SRP72: variants seen among roughly 807,000 people sequenced by gnomAD.
SRP72 encodes the protein signal recognition particle subunit SRP72.
In SRP72, 49 loss-of-function variants were observed where a neutral mutation model predicts 96.3. The observed-to-expected ratio is 0.51, with a 90% CI of 0.40 to 0.65. The LOEUF (loss-of-function observed/expected upper bound fraction) is 0.65, where lower values mean the gene tolerates loss of function less well. Among genes scored for constraint, SRP72 ranks in the 30% least tolerant of loss-of-function variants. SRP72 has a pLI of 0.00. For synonymous variants in SRP72, 267 were observed against 275.2 expected (o/e 0.97, Z 0.30); for missense variants, 736 against 793.3 (o/e 0.93, Z 0.87).
intron 16 of SRP72, 119 bp downstream of exon 16, chr4:56,491,687 A>C: frequency 9.7e-7 from 1 of 1,032,762 alleles, no homozygotes; most frequent in Non-Finnish European, 1.4e-6. Context: ...TTCCTTTTCC[A>C]TTTCTCTCAC....
At chr4:56,497,946 T>G (rs1721134177) in intron 17 of SRP72, among the ~76,000 whole-genome samples, 2 of 152,204 alleles carry the variant, frequency 1.3e-5, no homozygotes, top group African/African-American at 2.4e-5. Context: ...TGAATGACTT[T>G]CCTTTCTCCT....
chr4:56,468,757 C>A (rs1175783766), intron 1 of SRP72, among the ~76,000 whole-genome samples: 2 of 152,108 alleles, frequency 1.3e-5, no homozygotes, highest in Non-Finnish European at 2.9e-5. Context: ...ATTATTTGAT[C>A]CCTAAATTTG....
Position 56,502,496 on chromosome 4 carries a change from C to T in SRP72, c.*635C>T, listed in dbSNP as rs200981113. On this transcript the variant is annotated 3_prime_UTR_variant, in exon 19 of 19. Coordinates refer to ENST00000642900, the MANE Select transcript of SRP72 (RefSeq NM_006947.4). Reference sequence around the variant, plus strand: ...ATATATATATATGTATATATATATACATATATATATATATATAAACATGAA... The same window carrying T: ...ATATATATATATGTATATATATATATATATATATATATATATAAACATGAA... 15 of 113,750 alleles carry T rather than the reference C, an allele frequency of 1.3e-4. No individual in the cohort carries two copies. The highest frequency in any genetic ancestry group is 4.1e-4 in the African/African-American group (11 of 26,710). The allele number at this position is 113,750 out of a possible 1,614,324, so 7.0% of individuals were successfully genotyped here.
chr4:56,477,297 C>CTTTGTTTTTT (rs1560677869), intron 6 of SRP72: 1 of 114,822 alleles, frequency 8.7e-6, no homozygotes, highest in Non-Finnish European at 1.7e-5. Context: ...CTCTCTCTCT[C>CTTTGTTTTTT]TCTCTTTTTT....
intron 3 of SRP72, among the ~76,000 whole-genome samples, chr4:56,473,759 C>A (rs1177036075): frequency 2.0e-5 from 3 of 150,922 alleles, no homozygotes; most frequent in Non-Finnish European, 4.4e-5. Flanking sequence ...GAGCGAAACT[C>A]CGTCTCAAAA....
intron 17 of SRP72, 24 bp downstream of exon 17, chr4:56,495,418 TAA>T (rs1328111781): frequency 7.0e-7 from 1 of 1,435,142 alleles, no homozygotes; most frequent in African/African-American, 1.4e-5. Flanking sequence ...AAAGTCTTTA[TAA>T]ATTTTCTCCA....
At chr4:56,470,355 A>G (rs1009539930) in intron 2 of SRP72, among the ~76,000 whole-genome samples, 1 of 152,162 alleles carries the variant, frequency 6.6e-6, no homozygotes, top group Non-Finnish European at 1.5e-5. Flanking sequence ...ACCGAGCAAT[A>G]TGGTGAAACC....
At chr4:56,479,644 T>C (rs888454919) in intron 8 of SRP72, among the ~76,000 whole-genome samples, 1 of 151,026 alleles carries the variant, frequency 6.6e-6, no homozygotes, top group African/African-American at 2.4e-5. Context: ...CATGCCCGGC[T>C]AATTTAAAAA....
In SRP72 at chr4:56,467,702, C is replaced by T; in HGVS notation, c.67C>T (p.Gln23Ter). 6.4e-7 allele frequency: 1 copy of T among 1,558,634 alleles called. No homozygotes were observed. Among genetic ancestry groups the T allele is most frequent in the Non-Finnish European group, 8.7e-7 (1 of 1,155,720 alleles). ...GTGGAGTGAAGTGAACCGGTATGGC[C>T]AGAACGGCGACTTCACGCGCGCTCT... The part of the protein sequence containing the change: ...ALWSEVNRYG[Q>*]NGDFTRALKT... The change falls in exon 1 of 19, where the codon CAG (glutamine) becomes TAG (stop). Residue 23 changes from glutamine (Q) to a stop codon, truncating the protein, a stop_gained. Transcript: ENST00000642900. LOFTEE classifies it high-confidence loss of function.
At chr4:56,469,895 T>C (rs1333593074) in intron 2 of SRP72, 122 bp downstream of exon 2, 6 of 963,278 alleles carry the variant, frequency 6.2e-6, no homozygotes, top group African/African-American at 1.7e-5. Context: ...TTCCTTTTTT[T>C]CCCCCCTTTT....
chr4:56,500,530 A>C lies in SRP72; in HGVS notation c.1679-6A>C. On this transcript the variant is annotated splice_polypyrimidine_tract_variant and splice_region_variant and intron_variant, in intron 17 of 18. Transcript: ENST00000642900. ...CATCTCTCATTTCTTTATAATCGTT[A>C]TGCAGGAAAATTGCCTAAGAATTAT... 1 of 1,611,284 alleles carries C rather than the reference A, an allele frequency of 6.2e-7. No homozygotes were observed. The highest frequency in any genetic ancestry group is 1.3e-5 in the African/African-American group (1 of 74,842).
chr4:56,468,103 TTTC>T (rs1489685048), intron 1 of SRP72, among the ~76,000 whole-genome samples: 1 of 152,226 alleles, frequency 6.6e-6, no homozygotes, highest in Non-Finnish European at 1.5e-5. Flanking sequence ...AGTGCCTCCT[TTTC>T]TTCTTCGTCT....
intron 17 of SRP72, among the ~76,000 whole-genome samples, chr4:56,497,639 T>C (rs191928084): frequency 6.6e-6 from 1 of 152,156 alleles, no homozygotes; most frequent in East Asian, 1.9e-4. Context: ...AGCCCACCCA[T>C]ACCTTGCCCT....
chr4:56,495,466 T>C (rs1721045647), intron 17 of SRP72, 72 bp downstream of exon 17: 2 of 1,049,626 alleles, frequency 1.9e-6, no homozygotes, highest in African/African-American at 1.6e-5. Context: ...TATAGAAATA[T>C]TTGGACATAA....
Position 56,467,648 on chromosome 4 carries a change from G to T in SRP72, c.13G>T (p.Gly5Cys). ...CGTCTCCTCCAAGATGGCGAGCGGC[G>T]GCAGCGGGGGGGTGTCAGTACCTGC... MASG[G>C]SGGVSVPALW... The change falls in exon 1 of 19, where the codon GGC becomes TGC. Residue 5 changes from glycine to cysteine, a missense_variant. Physicochemically the swap from Gly to Cys is radical, Grantham distance 159. Around this residue, in one of 3 missense-constraint regions of SRP72, gnomAD observed 329 missense variants for 319.0 expected, o/e 1.03. Transcript: ENST00000642900. 6.4e-7 allele frequency: 1 copy of T among 1,558,930 alleles called. No homozygotes were observed. Among genetic ancestry groups the T allele is most frequent in the Non-Finnish European group, 8.7e-7 (1 of 1,154,270 alleles).
chr4:56,471,669 G>A (rs750758136), intron 2 of SRP72, 51 bp from the exon 3 acceptor site: 35 of 1,596,964 alleles, frequency 2.2e-5, no homozygotes, highest in Non-Finnish European at 2.7e-5. Context: ...TATAATGGGT[G>A]CATTGCATTG....
intron 8 of SRP72, among the ~76,000 whole-genome samples, chr4:56,479,118 T>C (rs1427674510): frequency 1.3e-5 from 2 of 152,122 alleles, no homozygotes; most frequent in Non-Finnish European, 2.9e-5. Flanking sequence ...TAAATATATA[T>C]ATAAGCACTC....
chr4:56,470,551 A>AG (rs1719933411), intron 2 of SRP72, among the ~76,000 whole-genome samples: 1 of 151,896 alleles, frequency 6.6e-6, no homozygotes, highest in East Asian at 1.9e-4. Flanking sequence ...AAAAAAAAAA[A>AG]GTCATTTGTA....
In SRP72 at chr4:56,479,727, C is replaced by A. The variant is rs112528314; in HGVS notation, c.825+1078C>A. On this transcript the variant is annotated intron_variant, in intron 8 of 18. Transcript: ENST00000642900. The stretch of plus-strand genomic sequence containing the variant: ...AAACTCCTGGGCTCAACAAATCCTC[C>A]TGCCTCAGCCTCCCAAATTGCTGGG... 1.8e-3 allele frequency among the ~76,000 whole-genome samples: 273 copies of A among 152,150 alleles called. 10 individuals are homozygous for A. The South Asian group carries it at 0.039, about 22-fold the overall frequency.
Sources: gnomAD v4.1 joint callset for allele counts (sites outside exome capture counted in the v4.1 genomes callset) on GRCh38, gnomAD v4.1.1 for gene constraint, gnomAD v4.1.1 regional missense constraint, MANE v1.5 for transcripts, NCBI Gene and HGNC (gene_info 2026-07-23, HGNC 2026-07-21) for gene names.